The following GOSR2 variants were observed in gnomAD, a reference collection of about 807,000 sequenced individuals.
The protein encoded by GOSR2 is golgi SNAP receptor complex member 2.
GOSR2 carries 20 observed loss-of-function variants against 27.9 expected under a neutral mutation model. The observed-to-expected ratio is 0.72, with a 90% CI of 0.50 to 1.04. The LOEUF (loss-of-function observed/expected upper bound fraction) is 1.04, where lower values mean the gene tolerates loss of function less well. GOSR2 is among the 50% of genes least tolerant of loss of function. The pLI is 0.00. For synonymous variants in GOSR2, 91 were observed against 98.8 expected (o/e 0.92, Z 0.47); for missense variants, 261 against 270.5 (o/e 0.97, Z 0.25).
At chr17:46,973,777 C>T (rs1489402198) in intron 6 of GOSR2, among the ~76,000 whole-genome samples, 1 of 152,016 alleles carries the variant, frequency 6.6e-6, no homozygotes, top group African/African-American at 2.4e-5. Flanking sequence ...CTCGGAAATC[C>T]CACTTAAGTC....
intron 6 of GOSR2, among the ~76,000 whole-genome samples, chr17:46,959,118 A>G (rs1316759658): frequency 6.6e-6 from 1 of 152,164 alleles, no homozygotes; most frequent in African/African-American, 2.4e-5. Flanking sequence ...GGGAATCTAG[A>G]ATGTGGCTAG....
chr17:46,929,000 C>T (rs893149541), intron 1 of GOSR2, among the ~76,000 whole-genome samples: 9 of 152,028 alleles, frequency 5.9e-5, no homozygotes, highest in Admixed American at 5.2e-4. Flanking sequence ...TTGCTTTTCT[C>T]GTGAATCTTC....
rs1568177285 is a variant in GOSR2, at chr17:46,935,016, G to C, written c.337-13G>C. On this transcript the variant is annotated splice_polypyrimidine_tract_variant and intron_variant, in intron 4 of 5. Transcript: ENST00000640051. ...TAAGCAAAGTTAATCAAGTGCCTGTGTTTCTTTCACAGGACTCTGACACCA... is the reference window on the plus strand; with the variant it reads ...TAAGCAAAGTTAATCAAGTGCCTGTCTTTCTTTCACAGGACTCTGACACCA... 6.2e-7 allele frequency: 1 copy of C among 1,611,960 alleles called. No individual in the cohort carries two copies. The highest frequency in any genetic ancestry group is 2.2e-5 in the East Asian group (1 of 44,884).
chr17:46,938,673 G>T lies in GOSR2; in HGVS notation c.552G>T (p.Lys184Asn), dbSNP rs760846460. 1.3e-5 allele frequency: 21 copies of T among 1,613,976 alleles called. No individual in the cohort carries two copies. The African/African-American group carries it at 2.8e-4, about 22-fold the overall frequency. ...LSNTVMRLIE[K>N]RAFQDKYFMI... ...ACACAGTGATGCGGCTCATCGAGAA[G>T]CGGGCTTTCCAGGACAAGTACTTTA... The change falls in exon 6 of 6, where the codon AAG becomes AAT. Residue 184 changes from lysine to asparagine, a missense_variant. By Grantham distance (94) the Lys-to-Asn change is moderately conservative. Transcript: ENST00000640051.
chr17:46,937,507 T>C (rs989373159), intron 5 of GOSR2: 3 of 152,180 alleles, frequency 2.0e-5, no homozygotes, highest in Non-Finnish European at 2.9e-5. Flanking sequence ...ATTTGGGCAA[T>C]TGTATCAGCC....
downstream of GOSR2, among the ~76,000 whole-genome samples, chr17:46,946,864 A>G (rs982531937): frequency 2.6e-5 from 4 of 152,212 alleles, no homozygotes; most frequent in African/African-American, 7.2e-5. Context: ...CTCTGTTTCA[A>G]TTTTAAAAAA....
Position 46,939,419 on chromosome 17 carries a change from C to A in GOSR2, c.*659C>A. On this transcript the variant is annotated 3_prime_UTR_variant, in exon 6 of 6. Transcript: ENST00000640051. ...GGTGTTTCTCTTTTCTAAAGTGAGG[C>A]CAGTGTTATTTCCCGGGAGTGTTCA... 1 of 993,430 alleles carries A rather than the reference C, an allele frequency of 1.0e-6. No homozygotes were observed. The highest frequency in any genetic ancestry group is 1.2e-6 in the Non-Finnish European group (1 of 833,630). 61.5% of individuals were successfully genotyped at this position (993,430 alleles called of 1,614,324 possible). A position where few individuals can be genotyped will look rare whatever the true frequency, so the allele number is the denominator to read the frequency against.
chr17:46,931,657 T>TCCC (rs2087404425), intron 3 of GOSR2: 1 of 279,390 alleles, frequency 3.6e-6, no homozygotes, highest in Admixed American at 5.1e-5. Context: ...CCTTGCCACC[T>TCCC]CCACCCCCAG....
intron 6 of GOSR2, chr17:46,948,572 T>G (rs2090097137): frequency 6.6e-6 from 1 of 152,264 alleles, no homozygotes; most frequent in Admixed American, 6.5e-5. Flanking sequence ...CCAGCCTCAG[T>G]GTCCTCGTAG....
chr17:46,952,019 G>A (rs867651847), intron 6 of GOSR2, among the ~76,000 whole-genome samples: 6 of 152,130 alleles, frequency 3.9e-5, no homozygotes, highest in South Asian at 2.1e-4. Context: ...ATATAACTTC[G>A]TATATATTGC....
At position 46,923,192 on chromosome 17, in the gene GOSR2, C is replaced by G; in HGVS notation, c.-1C>G. ...GAGCCGTGGCCTGCGGGGCCGGCGA[C>G]ATGGATCCCCTGTTCCAGCAAACGC... On this transcript the variant is annotated 5_prime_UTR_variant, in exon 1 of 6. Transcript: ENST00000640051. 4 of 1,545,094 alleles carry G rather than the reference C, an allele frequency of 2.6e-6. No homozygotes were observed. Among genetic ancestry groups the G allele is most frequent in the Non-Finnish European group, 3.5e-6 (4 of 1,141,172 alleles).
intron 5 of GOSR2, chr17:46,936,785 A>T (rs2088458985): frequency 1.0e-6 from 1 of 984,406 alleles, no homozygotes; most frequent in East Asian, 1.1e-4. Flanking sequence ...CTCGGGGAAA[A>T]AAAAATACAA....
Position 46,942,008 on chromosome 17 carries a change from T to C in GOSR2, c.*3248T>C, listed in dbSNP as rs531169787. ...TGTTAAGTCCAAAATAAATTCTTACTGTTTATATCCTACCTTAGTCCAAAA... is the reference window on the plus strand; with the variant it reads ...TGTTAAGTCCAAAATAAATTCTTACCGTTTATATCCTACCTTAGTCCAAAA... On this transcript the variant is annotated 3_prime_UTR_variant, in exon 6 of 6. Transcript: ENST00000640051. 1 of 953,186 alleles carries C rather than the reference T, an allele frequency of 1.0e-6. No individual in the cohort carries two copies. Among genetic ancestry groups the C allele is most frequent in the African/African-American group, 1.8e-5 (1 of 56,770 alleles). 59.0% of individuals were successfully genotyped at this position (953,186 alleles called of 1,614,324 possible).
chr17:46,958,165 G>T (rs1273208974), intron 6 of GOSR2, among the ~76,000 whole-genome samples: 1 of 152,190 alleles, frequency 6.6e-6, no homozygotes, highest in Non-Finnish European at 1.5e-5. Context: ...CAGAGGAGCT[G>T]GGAATGGGGA....
At chr17:46,964,112 C>T (rs1415405924) in intron 6 of GOSR2, 1 of 152,250 alleles carries the variant, frequency 6.6e-6, no homozygotes, top group Non-Finnish European at 1.5e-5. Flanking sequence ...TTGGTATGGG[C>T]TCTCCTTTCC....
downstream of GOSR2, among the ~76,000 whole-genome samples, chr17:46,945,584 T>C (rs1369395843): frequency 6.6e-6 from 1 of 152,142 alleles, no homozygotes; most frequent in Non-Finnish European, 1.5e-5. Flanking sequence ...TGGTAACTCA[T>C]CAGAGAGGAA....
chr17:46,974,394 A>G (rs1022707360), intron 6 of GOSR2, among the ~76,000 whole-genome samples: 1 of 152,242 alleles, frequency 6.6e-6, no homozygotes, highest in Non-Finnish European at 1.5e-5. Context: ...TAAACAGGAA[A>G]TTAGAGGAGC....
intron 1 of GOSR2, among the ~76,000 whole-genome samples, chr17:46,927,308 C>T (rs2086637585): frequency 6.6e-6 from 1 of 152,132 alleles, no homozygotes; most frequent in Admixed American, 6.5e-5. Context: ...TGCAGATACC[C>T]TCCAGTCTGT....
chr17:46,948,875 G>A (rs1048714756), intron 6 of GOSR2: 6 of 152,240 alleles, frequency 3.9e-5, no homozygotes, highest in African/African-American at 1.4e-4. Context: ...GGAAAGATGA[G>A]GATGATGATT....
Sources: gnomAD v4.1 joint callset for allele counts (sites outside exome capture counted in the v4.1 genomes callset) on GRCh38, gnomAD v4.1.1 for gene constraint, MANE v1.5 for transcripts, NCBI Gene and HGNC (gene_info 2026-07-23, HGNC 2026-07-21) for gene names.